The following XKR4 variants were observed in gnomAD, a reference collection of about 807,000 sequenced individuals.
The protein encoded by XKR4 is XK related 4.
Under a neutral mutation model 53.9 loss-of-function variants are expected in XKR4, and 12 were observed. The observed-to-expected ratio is 0.22, with a 90% CI of 0.14 to 0.36. The LOEUF (loss-of-function observed/expected upper bound fraction) is 0.36, where lower values mean the gene tolerates loss of function less well. Among genes scored for constraint, XKR4 ranks in the 10% least tolerant of loss-of-function variants. The pLI, the probability that XKR4 is intolerant of heterozygous loss-of-function variation, is 1.00. For missense variants in XKR4, 799 were observed against 859.5 expected, an observed-to-expected ratio of 0.93 and a Z score of 0.88; for synonymous variants, 354 against 362.4, an observed-to-expected ratio of 0.98 and a Z score of 0.26.
chr8:55,307,275 A>G (rs1180631829), intron 1 of XKR4, among the ~76,000 whole-genome samples: 3 of 152,208 alleles, frequency 2.0e-5, no homozygotes, highest in African/African-American at 7.2e-5. Context: ...AGTTACAAAG[A>G]ACTCCCAAAC....
At chr8:55,413,584 G>T (rs111568077) in intron 2 of XKR4, among the ~76,000 whole-genome samples, 1 of 151,966 alleles carries the variant, frequency 6.6e-6, no homozygotes, top group African/African-American at 2.4e-5. Flanking sequence ...TTCCTTTTTC[G>T]TGGCAGCAAA....
chr8:55,412,012 T>C (rs1334579711), intron 2 of XKR4, among the ~76,000 whole-genome samples: 1 of 152,232 alleles, frequency 6.6e-6, no homozygotes, highest in African/African-American at 2.4e-5. Flanking sequence ...TTATGCCACT[T>C]TTTAACCTCT....
rs976597609 is a variant in XKR4, at chr8:55,540,874, A to G, written c.*16647A>G. 3 of 152,208 alleles carry G rather than the reference A, an allele frequency of 2.0e-5. No homozygotes were observed. Among genetic ancestry groups the G allele is most frequent in the African/African-American group, 7.2e-5 (3 of 41,458 alleles). The allele number at this position is 152,208 out of a possible 1,614,324, so 9.4% of individuals were successfully genotyped here. A position where few individuals can be genotyped will look rare whatever the true frequency, so the allele number is the denominator to read the frequency against. On this transcript the variant is annotated 3_prime_UTR_variant, in exon 3 of 3. Coordinates refer to ENST00000327381, the MANE Select transcript of XKR4 (RefSeq NM_052898.2). The stretch of plus-strand genomic sequence containing the variant: ...GGTGTGAGCCTGAGTTACAAATGAC[A>G]TGACTAGGGATACAAACTTCGTCTG...
chr8:55,468,975 C>G (rs191334916), intron 2 of XKR4, among the ~76,000 whole-genome samples: 2 of 152,106 alleles, frequency 1.3e-5, no homozygotes, highest in Non-Finnish European at 2.9e-5. Flanking sequence ...CTATCCCTCT[C>G]GAACTACTTG....
At chr8:55,313,814 A>T (rs1305130873) in intron 1 of XKR4, among the ~76,000 whole-genome samples, 2 of 152,182 alleles carry the variant, frequency 1.3e-5, no homozygotes, top group Non-Finnish European at 2.9e-5. Flanking sequence ...TGAAAGCAGC[A>T]TTCCTCTGGG....
At chr8:55,322,942 G>T (rs1001801214) in intron 1 of XKR4, among the ~76,000 whole-genome samples, 1 of 152,132 alleles carries the variant, frequency 6.6e-6, no homozygotes, top group East Asian at 1.9e-4. Context: ...TTGAATAAAT[G>T]TTGTAAAAAT....
chr8:55,450,061 G>A, intron 2 of XKR4: 2 of 749,348 alleles, frequency 2.7e-6, no homozygotes, highest in East Asian at 2.8e-5. Flanking sequence ...ATCTGGCCGG[G>A]CTTCAAGGCG....
intron 2 of XKR4, among the ~76,000 whole-genome samples, chr8:55,407,477 C>T (rs1458883168): frequency 6.6e-6 from 1 of 152,234 alleles, no homozygotes; most frequent in East Asian, 1.9e-4. Context: ...ACGCTGCCTC[C>T]GCCGGAGTGA....
chr8:55,168,537 C>G (rs773810462), intron 1 of XKR4, among the ~76,000 whole-genome samples: 1 of 152,140 alleles, frequency 6.6e-6, no homozygotes, highest in African/African-American at 2.4e-5. Flanking sequence ...AAATGTCACT[C>G]GCATTAAAAT....
chr8:55,260,404 T>A (rs1818506694), intron 1 of XKR4, among the ~76,000 whole-genome samples: 2 of 152,208 alleles, frequency 1.3e-5, no homozygotes. Context: ...ATGAAAGGTA[T>A]GGAAAAGGCT....
chr8:55,342,206 A>G (rs559257057), intron 1 of XKR4, among the ~76,000 whole-genome samples: 1 of 151,964 alleles, frequency 6.6e-6, no homozygotes, highest in South Asian at 2.1e-4. Context: ...CTCACACCCC[A>G]TGTCTTCCAT....
intron 1 of XKR4, among the ~76,000 whole-genome samples, chr8:55,356,647 C>G (rs982824250): frequency 6.6e-6 from 1 of 152,050 alleles, no homozygotes; most frequent in Non-Finnish European, 1.5e-5. Flanking sequence ...AAATAAAATA[C>G]TTATAGATGA....
chr8:55,259,468 A>G (rs1406729719), intron 1 of XKR4, among the ~76,000 whole-genome samples: 1 of 152,166 alleles, frequency 6.6e-6, no homozygotes, highest in African/African-American at 2.4e-5. Context: ...AGAGTGCCCA[A>G]GGTTACAGCG....
intron 1 of XKR4, among the ~76,000 whole-genome samples, chr8:55,282,398 T>G (rs181288834): frequency 6.6e-6 from 1 of 152,338 alleles, no homozygotes; most frequent in African/African-American, 2.4e-5. Flanking sequence ...ATTTGGCTCA[T>G]GAACTGCAGG....
intron 2 of XKR4, among the ~76,000 whole-genome samples, chr8:55,472,756 A>G (rs1476905098): frequency 6.6e-6 from 1 of 152,076 alleles, no homozygotes. Context: ...ATTATTAGGG[A>G]TAAATTGGCT....
intron 2 of XKR4, among the ~76,000 whole-genome samples, chr8:55,377,531 C>A (rs6473982): frequency 0.083 from 12,676 of 152,094 alleles, 1,714 homozygotes; most frequent in African/African-American, 0.29. Flanking sequence ...TGAGGAATAC[C>A]TCACTGCTTT....
chr8:55,149,842 A>G (rs892219820), intron 1 of XKR4, among the ~76,000 whole-genome samples: 3 of 152,198 alleles, frequency 2.0e-5, no homozygotes, highest in Admixed American at 6.5e-5. Context: ...GATCTAAGGA[A>G]ACTTGCCTAT....
At chr8:55,283,749 A>C (rs1459636676) in intron 1 of XKR4, among the ~76,000 whole-genome samples, 1 of 152,222 alleles carries the variant, frequency 6.6e-6, no homozygotes, top group Non-Finnish European at 1.5e-5. Flanking sequence ...CTCTATTCAG[A>C]ATAAAGAAAA....
chr8:55,498,671 G>T (rs1331727742), intron 2 of XKR4, among the ~76,000 whole-genome samples: 1 of 152,172 alleles, frequency 6.6e-6, no homozygotes, highest in Non-Finnish European at 1.5e-5. Flanking sequence ...TACTCAGGCG[G>T]CTGAGTCAGG....
Sources: allele counts gnomAD v4.1 joint callset (sites outside exome capture counted in the v4.1 genomes callset), GRCh38; gene constraint gnomAD v4.1.1; transcripts MANE v1.5; gene names NCBI Gene and HGNC (gene_info 2026-07-23, HGNC 2026-07-21).